VPS13C: variants seen among roughly 807,000 people sequenced by gnomAD.
The protein encoded by VPS13C is vacuolar protein sorting 13 homolog C, also known as intermembrane lipid transfer protein VPS13C.
Under a neutral mutation model 456.8 loss-of-function variants are expected in VPS13C, and 358 were observed. The ratio of observed to expected loss-of-function variants is 0.78; its 90% CI spans 0.72 to 0.86. The LOEUF (loss-of-function observed/expected upper bound fraction) is 0.86, where lower values mean the gene tolerates loss of function less well. Ranked by LOEUF, VPS13C falls within the 40% of genes least tolerant of loss-of-function variation. The pLI, the probability that VPS13C is intolerant of heterozygous loss-of-function variation, is 0.00. For synonymous variants in VPS13C, 1,578 were observed against 1,486.7 expected, an observed-to-expected ratio of 1.06 and a Z score of -1.41; for missense variants, 4,818 against 4,385.4, an observed-to-expected ratio of 1.10 and a Z score of -2.79.
rs75258527 is a variant in VPS13C at position 61,905,576 on chromosome 15, G to A, written c.9105+1688C>T. 4.0e-3 allele frequency among the ~76,000 whole-genome samples: 615 copies of A among 152,104 alleles called. 4 individuals are homozygous for A. Among genetic ancestry groups the A allele is most frequent in the African/African-American group, 0.014 (570 of 41,516 alleles). On this transcript the variant is annotated intron_variant, in intron 66 of 84. Transcript: ENST00000644861. ...CAACTAGCAGTTCAAAATTCCTATC[G>A]TAAGAATTAGTGATAATATATAAAA...
intron 84 of VPS13C, 104 bp from the exon 85 acceptor site, chr15:61,854,662 A>T: frequency 8.0e-7 from 1 of 1,242,414 alleles, no homozygotes; most frequent in Non-Finnish European, 1.2e-6. Context: ...AAACAGGACC[A>T]ACAGCTAAGG....
intron 3 of VPS13C, 52 bp from the exon 4 acceptor site, chr15:62,035,104 CA>C (rs2047946217): frequency 7.4e-7 from 1 of 1,351,864 alleles, no homozygotes; most frequent in East Asian, 2.4e-5. Flanking sequence ...CTCAAGAACA[CA>C]AAAATTTCTC....
chr15:61,863,574 G>C (rs1894344419), intron 81 of VPS13C, 46 bp from the exon 82 acceptor site: 11 of 1,388,298 alleles, frequency 7.9e-6, no homozygotes, highest in Non-Finnish European at 1.1e-5. Flanking sequence ...ATGCATTTAA[G>C]TAGTATTTAC....
At chr15:61,976,500 G>A (rs772508025) in intron 24 of VPS13C, among the ~76,000 whole-genome samples, 1 of 151,904 alleles carries the variant, frequency 6.6e-6, no homozygotes, top group Non-Finnish European at 1.5e-5. Context: ...AATTTAAGTA[G>A]GGAAGGAAAG....
chr15:61,893,374 T>G (rs1442378361), intron 66 of VPS13C, among the ~76,000 whole-genome samples: 2 of 152,092 alleles, frequency 1.3e-5, no homozygotes, highest in African/African-American at 4.8e-5. Flanking sequence ...CCAAGAATAT[T>G]GTATCCAACA....
At chr15:61,941,174 T>C (rs539818485) in intron 46 of VPS13C, among the ~76,000 whole-genome samples, 4 of 152,360 alleles carry the variant, frequency 2.6e-5, no homozygotes, top group Admixed American at 6.5e-5. Flanking sequence ...TAGCCCTTAA[T>C]ATGTTATTGG....
intron 76 of VPS13C, among the ~76,000 whole-genome samples, chr15:61,875,379 A>C (rs1449100011): frequency 6.6e-6 from 1 of 151,928 alleles, no homozygotes; most frequent in African/African-American, 2.4e-5. Context: ...CTTTAAATGG[A>C]GGGGAATAGG....
chr15:61,979,747 A>T (rs2045817049), intron 22 of VPS13C, among the ~76,000 whole-genome samples: 1 of 152,222 alleles, frequency 6.6e-6, no homozygotes, highest in African/African-American at 2.4e-5. Context: ...TGAAAAATTA[A>T]AGCTGAGCAA....
rs1271770429 is a variant in VPS13C at position 62,045,272 on chromosome 15, C to T, written c.101-1017G>A. 6.8e-5 allele frequency among the ~76,000 whole-genome samples: 8 copies of T among 117,276 alleles called. No individual in the cohort carries two copies. In the East Asian group the frequency reaches 9.3e-4, roughly 14 times the overall value. 76.9% of individuals were successfully genotyped at this position (117,276 alleles called of 152,430 possible). A position where few individuals can be genotyped will look rare whatever the true frequency, so the allele number is the denominator to read the frequency against. On this transcript the variant is annotated intron_variant, in intron 1 of 84. Coordinates refer to ENST00000644861, the MANE Select transcript of VPS13C (RefSeq NM_020821.3). The stretch of plus-strand genomic sequence containing the variant: ...GTGCAAAAGTAACTGCAGTTTTTGC[C>T]ATTACTTTTAATGGCAAAAATGCAA...
chr15:61,931,004 A>G lies in VPS13C; in HGVS notation c.6038+86T>C. On this transcript the variant is annotated intron_variant, in intron 50 of 84. Coordinates refer to ENST00000644861, the MANE Select transcript of VPS13C (RefSeq NM_020821.3). ...ACCAAAAGACAGAGATCTTTTTTGGATGATCCCTAGCCTAGCAATGCCTGG... is the reference window on the plus strand; with the variant it reads ...ACCAAAAGACAGAGATCTTTTTTGGGTGATCCCTAGCCTAGCAATGCCTGG... 3 of 1,487,774 alleles carry G rather than the reference A, an allele frequency of 2.0e-6. No homozygotes were observed. The South Asian group carries it at 3.5e-5, about 17-fold the overall frequency. 92.2% of individuals were successfully genotyped at this position (1,487,774 alleles called of 1,614,324 possible).
chr15:61,906,042 G>T (rs2043143199), intron 66 of VPS13C, among the ~76,000 whole-genome samples: 1 of 152,060 alleles, frequency 6.6e-6, no homozygotes, highest in African/African-American at 2.4e-5. Context: ...ACAGGATAAT[G>T]CTACCTTTTT....
At chr15:61,874,993 T>C in intron 76 of VPS13C, 42 bp from the exon 77 acceptor site, 1 of 1,487,946 alleles carries the variant, frequency 6.7e-7, no homozygotes, top group Non-Finnish European at 8.9e-7. Context: ...ATTTAAAATT[T>C]AAGTTTCAGA....
At position 61,880,857 on chromosome 15, in the gene VPS13C, C is replaced by T. The variant is rs1895795364; in HGVS notation, c.9874G>A (p.Ala3292Thr). Residue 3292 changes from alanine to threonine, a missense_variant, in exon 72 of 85, where the codon GCT (alanine) becomes ACT (threonine). Transcript: ENST00000644861. Reference sequence around the variant, plus strand: ...AAAATTTTTACCCGTCTTCTTTCAGCTTCAGGGTCTGTTGTTGGGGTAAAC... The same window carrying T: ...AAAATTTTTACCCGTCTTCTTTCAGTTTCAGGGTCTGTTGTTGGGGTAAAC... ...ALFTPTTDPE[A>T]ERRRTKLIQQ... 6.3e-7 allele frequency: 1 copy of T among 1,595,050 alleles called. No homozygotes were observed. Among genetic ancestry groups the T allele is most frequent in the African/African-American group, 1.4e-5 (1 of 73,808 alleles).
Position 61,881,777 on chromosome 15 carries a change from C to A in VPS13C, c.9676G>T (p.Ala3226Ser), listed in dbSNP as rs150048082. 7 of 1,608,596 alleles carry A rather than the reference C, an allele frequency of 4.4e-6. No homozygotes were observed. The African/African-American group carries it at 6.7e-5, about 15-fold the overall frequency. Reference protein sequence around the residue: ...AMFPVVFHPVAPPKSIALDSE... With the variant: ...AMFPVVFHPVSPPKSIALDSE... ...TCTAAAGCAATAGATTTTGGAGGGG[C>A]AACAGGATGAAATACAACAGGGAAC... Residue 3226 changes from alanine to serine, a missense_variant, in exon 70 of 85, where the codon GCC becomes TCC. Ala to Ser is a moderately conservative substitution (Grantham distance 99). Transcript: ENST00000644861.
intron 1 of VPS13C, among the ~76,000 whole-genome samples, chr15:62,048,415 C>T (rs2048501871): frequency 6.6e-6 from 1 of 151,952 alleles, no homozygotes; most frequent in African/African-American, 2.4e-5. Context: ...CATCCATGTC[C>T]CTACAAAGGA....
rs369508940 is a variant in VPS13C, at chr15:61,881,512, T to C, written c.9776+51A>G. Reference sequence around the variant, plus strand: ...AAAAGAGTAAGATTTATTTTCAAAGTAGATTCTCATTTTAAATTCTTTTAG... The same window carrying C: ...AAAAGAGTAAGATTTATTTTCAAAGCAGATTCTCATTTTAAATTCTTTTAG... On this transcript the variant is annotated intron_variant, in intron 71 of 84. Coordinates refer to ENST00000644861, the MANE Select transcript of VPS13C (RefSeq NM_020821.3). 44 of 1,503,998 alleles carry C rather than the reference T, an allele frequency of 2.9e-5. No individual in the cohort carries two copies. In the African/African-American group the frequency reaches 4.1e-4, roughly 14 times the overall value. The allele number at this position is 1,503,998 out of a possible 1,614,324, so 93.2% of individuals were successfully genotyped here.
chr15:61,911,936 G>A lies in VPS13C; in HGVS notation c.8619C>T (p.Thr2873=). The A allele has an allele frequency of 1.2e-6, 2 of 1,612,384 alleles. No homozygotes were observed. Among genetic ancestry groups the A allele is most frequent in the Non-Finnish European group, 1.7e-6 (2 of 1,179,160 alleles). Residue 2873 remains threonine, a synonymous_variant, in exon 63 of 85, where the codon ACC becomes ACT. Transcript: ENST00000644861. The part of the protein sequence containing the change: ...SRIVTLTPFC[T]IANKSSLELE... ...GTTCTAATGATGACTTGTTTGCAAT[G>A]GTACAAAAGGGAGTCAGGGTAACTA...
chr15:62,002,823 T>C (rs1270778134), intron 15 of VPS13C, among the ~76,000 whole-genome samples: 6 of 152,292 alleles, frequency 3.9e-5, no homozygotes, highest in Admixed American at 3.3e-4. Context: ...AAAGATCAGA[T>C]AGTTGTAGAT....
intron 22 of VPS13C, among the ~76,000 whole-genome samples, chr15:61,980,655 T>A (rs1159430612): frequency 1.3e-5 from 2 of 151,980 alleles, no homozygotes; most frequent in African/African-American, 4.8e-5. Flanking sequence ...AAAAAATCTA[T>A]AAACAGTACC....
Sources: allele counts gnomAD v4.1 joint callset (sites outside exome capture counted in the v4.1 genomes callset), GRCh38; gene constraint gnomAD v4.1.1; transcripts MANE v1.5; gene names NCBI Gene and HGNC (gene_info 2026-07-23, HGNC 2026-07-21).